FAM120B: variants seen among roughly 807,000 people sequenced by gnomAD.
FAM120B encodes constitutive coactivator of peroxisome proliferator-activated receptor gamma.
A neutral mutation model predicts 96.3 loss-of-function variants in FAM120B; 83 were observed. The ratio of observed to expected loss-of-function variants is 0.86; its 90% CI spans 0.72 to 1.03. The LOEUF is 1.03. Ranked by LOEUF, FAM120B falls within the 50% of genes least tolerant of loss-of-function variation. FAM120B has a pLI of 0.00. For missense variants in FAM120B, 1,027 were observed against 1,121.2 expected (o/e 0.92, Z 1.20); for synonymous variants, 407 against 402.7 (o/e 1.01, Z -0.13).
At position 170,388,274 on chromosome 6, in the gene FAM120B, C is replaced by T. The variant is rs1421853662; in HGVS notation, c.2284-13C>T. On this transcript the variant is annotated splice_polypyrimidine_tract_variant and intron_variant, in intron 6 of 10. Transcript: ENST00000476287. ...CTGTCTTACATTTTTGGTGTGTGTT[C>T]TGGTCTCCACAGCCTGATTACATCA... 2.5e-6 allele frequency: 4 copies of T among 1,612,374 alleles called. No individual in the cohort carries two copies. The highest frequency in any genetic ancestry group is 4.5e-5 in the East Asian group (2 of 44,882).
rs778583751 is a variant in FAM120B, at chr6:170,406,612, G to A, written c.*1861G>A. 9 of 151,936 alleles carry A rather than the reference G, an allele frequency of 5.9e-5. No homozygotes were observed. The highest frequency in any genetic ancestry group is 1.2e-4 in the Non-Finnish European group (8 of 68,006). The allele number at this position is 151,936 out of a possible 1,614,324, so 9.4% of individuals were successfully genotyped here. A position where few individuals can be genotyped will look rare whatever the true frequency, so the allele number is the denominator to read the frequency against. ...GAACATTTACATCTAATTATTTTTCGTGCAAGTCTTGTAGGACCCACATGT... is the reference window on the plus strand; with the variant it reads ...GAACATTTACATCTAATTATTTTTCATGCAAGTCTTGTAGGACCCACATGT... On this transcript the variant is annotated 3_prime_UTR_variant, in exon 11 of 11. Transcript: ENST00000476287.
chr6:170,319,492 A>G (rs1785152324), intron 2 of FAM120B, among the ~76,000 whole-genome samples: 1 of 152,042 alleles, frequency 6.6e-6, no homozygotes, highest in Non-Finnish European at 1.5e-5. Flanking sequence ...ACATGGTGAA[A>G]CCCTGTCTCT....
upstream of FAM120B, among the ~76,000 whole-genome samples, chr6:170,292,241 A>G (rs1023183807): frequency 6.6e-6 from 1 of 151,910 alleles, no homozygotes; most frequent in Admixed American, 6.5e-5. The surrounding 1 kb of genome is among the most constrained non-coding windows in gnomAD (Gnocchi z 6.6). Flanking sequence ...TTTTGTTTTC[A>G]TTTTTTAAAG....
intron 6 of FAM120B, among the ~76,000 whole-genome samples, chr6:170,361,217 T>TACACATAC (rs1562566883): frequency 1.1e-5 from 1 of 88,680 alleles, no homozygotes; most frequent in African/African-American, 5.2e-5. Flanking sequence ...TATATATATA[T>TACACATAC]ATATATATAT....
intron 4 of FAM120B, among the ~76,000 whole-genome samples, chr6:170,337,748 GT>G (rs1192216194): frequency 6.6e-6 from 1 of 152,042 alleles, no homozygotes; most frequent in African/African-American, 2.4e-5. Context: ...CTTCTTCCTG[GT>G]TTAGTCTTGG....
intron 8 of FAM120B, among the ~76,000 whole-genome samples, chr6:170,395,202 G>C (rs1790664837): frequency 6.6e-6 from 1 of 152,162 alleles, no homozygotes; most frequent in African/African-American, 2.4e-5. Context: ...CCCCAGGGAA[G>C]AGGAGTGGTT....
chr6:170,371,239 C>T (rs1045599442), intron 6 of FAM120B, among the ~76,000 whole-genome samples: 13 of 151,960 alleles, frequency 8.6e-5, no homozygotes, highest in Non-Finnish European at 1.5e-4. Context: ...AACATGACAT[C>T]GCACAGTTTG....
At chr6:170,315,726 A>T (rs140714500) in intron 1 of FAM120B, among the ~76,000 whole-genome samples, 1 of 152,140 alleles carries the variant, frequency 6.6e-6, no homozygotes, top group Non-Finnish European at 1.5e-5. Flanking sequence ...TGAAAATCCC[A>T]TTAATGTGGC....
At chr6:170,302,676 A>T (rs1268945900), upstream of FAM120B, among the ~76,000 whole-genome samples, 1 of 152,050 alleles carries the variant, frequency 6.6e-6, no homozygotes, top group Non-Finnish European at 1.5e-5. Flanking sequence ...TTCGCTCTAC[A>T]GTTTCTTTTT....
intron 6 of FAM120B, among the ~76,000 whole-genome samples, chr6:170,368,543 AAT>A (rs1480939224): frequency 3.3e-5 from 5 of 152,210 alleles, no homozygotes; most frequent in African/African-American, 1.2e-4. Context: ...AGGATTGTGT[AAT>A]ATGTTTTCAA....
chr6:170,338,756 T>A (rs919089925), intron 4 of FAM120B, among the ~76,000 whole-genome samples: 10 of 151,952 alleles, frequency 6.6e-5, no homozygotes, highest in African/African-American at 2.4e-4. Context: ...GTTGCATTGA[T>A]CCCTTTACCA....
intron 5 of FAM120B, among the ~76,000 whole-genome samples, chr6:170,353,811 A>G (rs1040225991): frequency 3.9e-5 from 6 of 152,268 alleles, no homozygotes; most frequent in African/African-American, 1.2e-4. Flanking sequence ...GCTCATGGAT[A>G]GGAAGAATCG....
At chr6:170,354,959 A>C (rs1039145244) in intron 5 of FAM120B, among the ~76,000 whole-genome samples, 1 of 152,186 alleles carries the variant, frequency 6.6e-6, no homozygotes, top group African/African-American at 2.4e-5. Flanking sequence ...TATGCAGCCA[A>C]CAAACATATG....
chr6:170,405,666 A>C lies in FAM120B; in HGVS notation c.*915A>C, dbSNP rs918896130. On this transcript the variant is annotated 3_prime_UTR_variant, in exon 11 of 11. Transcript: ENST00000476287. ...CCAACTATGTGTTCTCTTGGTCCTC[A>C]GAAGTGTTTGAATAGAAAAGTAACA... 1.3e-5 allele frequency: 2 copies of C among 152,232 alleles called. No homozygotes were observed. Among genetic ancestry groups the C allele is most frequent in the African/African-American group, 4.8e-5 (2 of 41,460 alleles). The allele number at this position is 152,232 out of a possible 1,614,324, so 9.4% of individuals were successfully genotyped here. A position where few individuals can be genotyped will look rare whatever the true frequency, so the allele number is the denominator to read the frequency against.
chr6:170,304,540 G>A (rs561929439), upstream of FAM120B, among the ~76,000 whole-genome samples: 15 of 152,218 alleles, frequency 9.9e-5, no homozygotes, highest in African/African-American at 3.4e-4. Flanking sequence ...TGTCACATTT[G>A]TGTTTTCTCT....
chr6:170,386,075 C>T (rs2115304238), intron 6 of FAM120B, among the ~76,000 whole-genome samples: 1 of 152,224 alleles, frequency 6.6e-6, no homozygotes, highest in South Asian at 2.1e-4. Context: ...TGTCCAAACT[C>T]GCAGAATGTA....
intron 6 of FAM120B, among the ~76,000 whole-genome samples, chr6:170,378,745 C>G (rs1789729478): frequency 6.6e-6 from 1 of 152,234 alleles, no homozygotes; most frequent in Non-Finnish European, 1.5e-5. Flanking sequence ...CAGGGCTGAG[C>G]CCTGAGCTCC....
chr6:170,323,281 T>A, intron 3 of FAM120B, 22 bp downstream of exon 3: 2 of 1,592,484 alleles, frequency 1.3e-6, no homozygotes, highest in Non-Finnish European at 1.7e-6. Context: ...TTGGTCCCTC[T>A]TAGTAAAGGT....
rs758963453 is a variant in FAM120B, at chr6:170,406,442, G to A, written c.*1691G>A. 1.3e-5 allele frequency: 2 copies of A among 152,124 alleles called. No individual in the cohort carries two copies. Among genetic ancestry groups the A allele is most frequent in the Non-Finnish European group, 2.9e-5 (2 of 68,040 alleles). 9.4% of individuals were successfully genotyped at this position (152,124 alleles called of 1,614,324 possible). ...ACTTGACGAATTACCTTGACCAACG[G>A]GCCAAAGGCACAGAGCTCCAAGGCA... On this transcript the variant is annotated 3_prime_UTR_variant, in exon 11 of 11. Coordinates refer to ENST00000476287, the MANE Select transcript of FAM120B (RefSeq NM_032448.3).
Sources: gnomAD v4.1 joint callset for allele counts (sites outside exome capture counted in the v4.1 genomes callset) on GRCh38, gnomAD v4.1.1 for gene constraint, Gnocchi (gnomAD v3.1) non-coding constraint, MANE v1.5 for transcripts, NCBI Gene and HGNC (gene_info 2026-07-23, HGNC 2026-07-21) for gene names.